CELF2: variants seen among roughly 807,000 people sequenced by gnomAD.
The protein encoded by CELF2 is CUGBP Elav-like family member 2.
A neutral mutation model predicts 62.6 loss-of-function variants in CELF2; 8 were observed. The ratio of observed to expected loss-of-function variants is 0.13; its 90% CI spans 0.07 to 0.23. The LOEUF (loss-of-function observed/expected upper bound fraction) is 0.23, where lower values mean the gene tolerates loss of function less well. Among genes scored for constraint, CELF2 ranks in the 10% least tolerant of loss-of-function variants. The pLI is 1.00. For synonymous variants in CELF2, 258 were observed against 250.0 expected, an observed-to-expected ratio of 1.03 and a Z score of -0.30; for missense variants, 333 against 671.0, an observed-to-expected ratio of 0.50 and a Z score of 5.56.
chr10:10,552,064 A>G, the CELF2 span, among the ~76,000 whole-genome samples: 2 of 151,998 alleles, frequency 1.3e-5, no homozygotes, highest in Non-Finnish European at 2.9e-5. Flanking sequence ...GTGGAAGAAA[A>G]CAAAAGACGA....
the CELF2 span, among the ~76,000 whole-genome samples, chr10:10,472,720 A>G: frequency 6.6e-6 from 1 of 152,018 alleles, no homozygotes; most frequent in East Asian, 1.9e-4. Flanking sequence ...TTATTACAGT[A>G]TTTAATTAAT....
At chr10:10,839,196 C>G (rs1446316720) in intron 1 of CELF2, among the ~76,000 whole-genome samples, 1 of 152,122 alleles carries the variant, frequency 6.6e-6, no homozygotes, top group Non-Finnish European at 1.5e-5. Context: ...GGTGTGCTCA[C>G]TGCTACCGGG....
intron 2 of CELF2, among the ~76,000 whole-genome samples, chr10:10,978,035 TTTTTTG>T (rs2051568686): frequency 7.8e-6 from 1 of 129,028 alleles, no homozygotes; most frequent in Non-Finnish European, 1.7e-5. Context: ...TTTTTTTTTG[TTTTTTG>T]TTTTTTTTTT....
upstream of CELF2, among the ~76,000 whole-genome samples, chr10:10,798,121 C>T (rs2054270293): frequency 6.6e-6 from 1 of 152,098 alleles, no homozygotes; most frequent in Non-Finnish European, 1.5e-5. Context: ...AAAATCCCTG[C>T]CAGAAAACAC....
the CELF2 span, among the ~76,000 whole-genome samples, chr10:10,608,899 G>A: frequency 2.6e-5 from 4 of 152,282 alleles, no homozygotes; most frequent in South Asian, 2.1e-4. Context: ...TAGGGACCCC[G>A]TGAATCAGCA....
At chr10:10,629,091 A>G in the CELF2 span, among the ~76,000 whole-genome samples, 1 of 152,148 alleles carries the variant, frequency 6.6e-6, no homozygotes, top group Non-Finnish European at 1.5e-5. Context: ...TTGTTCCTGA[A>G]CCAGGAGATT....
chr10:10,616,593 T>C, the CELF2 span, among the ~76,000 whole-genome samples: 13,330 of 151,846 alleles, frequency 0.088, 1,667 homozygotes, highest in African/African-American at 0.27. Flanking sequence ...AGACACTTTT[T>C]ATTTAGGCCA....
chr10:10,707,530 G>A, the CELF2 span, among the ~76,000 whole-genome samples: 3 of 152,114 alleles, frequency 2.0e-5, no homozygotes, highest in Non-Finnish European at 2.9e-5. Context: ...ATTGAATGAA[G>A]TATACGAAGA....
the CELF2 span, among the ~76,000 whole-genome samples, chr10:10,763,244 C>T: frequency 1.3e-5 from 2 of 152,144 alleles, no homozygotes; most frequent in African/African-American, 2.4e-5. Flanking sequence ...TTTTCCTTTA[C>T]GCAAAAGAGG....
Position 11,309,083 on chromosome 10 carries a change from T to G in CELF2, c.977-5056T>G, listed in dbSNP as rs766383928. Among the ~76,000 whole-genome samples, 31 of 152,252 alleles carry G rather than the reference T, an allele frequency of 2.0e-4. No homozygotes were observed. The highest frequency in any genetic ancestry group is 3.4e-4 in the Non-Finnish European group (23 of 68,048). ...AGATTGTTATCATATTTATAATAGCTGCTTTCATGTCTTTGTCCACCAAGT... is the reference window on the plus strand; with the variant it reads ...AGATTGTTATCATATTTATAATAGCGGCTTTCATGTCTTTGTCCACCAAGT... On this transcript the variant is annotated intron_variant, in intron 9 of 12. Transcript: ENST00000633077. This position sits in a 1 kb window ranked among gnomAD's most constrained non-coding sequence, Gnocchi z 5.6.
At chr10:10,574,507 G>C in the CELF2 span, among the ~76,000 whole-genome samples, 2 of 152,124 alleles carry the variant, frequency 1.3e-5, no homozygotes, top group African/African-American at 4.8e-5. Context: ...CTGGTAACAA[G>C]GGATAAATTT....
At chr10:10,904,228 A>AC (rs1554876088) in intron 1 of CELF2, among the ~76,000 whole-genome samples, 12 of 148,304 alleles carry the variant, frequency 8.1e-5, no homozygotes, top group African/African-American at 2.5e-4. Context: ...TCCATTTTTA[A>AC]TTTTTTTTTT....
At chr10:10,642,907 G>T in the CELF2 span, among the ~76,000 whole-genome samples, 1 of 152,204 alleles carries the variant, frequency 6.6e-6, no homozygotes, top group Admixed American at 6.5e-5. Context: ...CCCCGGTGTT[G>T]CCACTCCACA....
At chr10:10,844,328 G>C (rs925170608) in intron 1 of CELF2, among the ~76,000 whole-genome samples, 20 of 152,014 alleles carry the variant, frequency 1.3e-4, no homozygotes, top group African/African-American at 4.8e-4. Context: ...CCCCATGTGA[G>C]CCAGAGTGTT....
rs1328011237 is a variant in CELF2, at chr10:10,994,518, A to G, written c.89+74519A>G. Among the ~76,000 whole-genome samples the G allele has an allele frequency of 8.5e-5, 13 of 152,346 alleles. No homozygotes were observed. The East Asian group carries it at 1.9e-3, about 23-fold the overall frequency. The stretch of plus-strand genomic sequence containing the variant: ...GTGGCAGGTGAGTCAGCTAAGCTAC[A>G]TCTGTATTTACAGCCGCTCCTCATT... On this transcript the variant is annotated intron_variant, in intron 2 of 13. Coordinates refer to the CELF2 transcript ENST00000636488.
chr10:10,651,339 C>A, the CELF2 span, among the ~76,000 whole-genome samples: 1 of 148,438 alleles, frequency 6.7e-6, no homozygotes, highest in African/African-American at 2.5e-5. Flanking sequence ...AACAAAGCAG[C>A]GGGGAAGCTC....
chr10:10,986,000 A>G (rs2052706636), intron 2 of CELF2, among the ~76,000 whole-genome samples: 1 of 152,202 alleles, frequency 6.6e-6, no homozygotes, highest in East Asian at 1.9e-4. Flanking sequence ...AAATAGTTAC[A>G]TGTTGAGATG....
At position 10,921,195 on chromosome 10, in the gene CELF2, T is replaced by A. The variant is rs573582391; in HGVS notation, c.89+1196T>A. ...GTCTCAAATTCCTGACCTCAGGTGA[T>A]CCACCCGTCTCGGCCTCCCAAAATG... On this transcript the variant is annotated intron_variant, in intron 2 of 13. Transcript: ENST00000636488. Among the ~76,000 whole-genome samples, 8 of 152,258 alleles carry A rather than the reference T, an allele frequency of 5.3e-5. No homozygotes were observed. The East Asian group carries it at 7.8e-4, about 15-fold the overall frequency.
chr10:10,886,460 A>G (rs1017237737), intron 1 of CELF2, among the ~76,000 whole-genome samples: 1 of 152,230 alleles, frequency 6.6e-6, no homozygotes, highest in African/African-American at 2.4e-5. Context: ...TGATATTTAC[A>G]TTGTTGACAG....
Sources: gnomAD v4.1 joint callset for allele counts (sites outside exome capture counted in the v4.1 genomes callset) on GRCh38, gnomAD v4.1.1 for gene constraint, Gnocchi (gnomAD v3.1) non-coding constraint, MANE v1.5 for transcripts, NCBI Gene and HGNC (gene_info 2026-07-23, HGNC 2026-07-21) for gene names.